NUDCD2: variants seen among roughly 807,000 people sequenced by gnomAD.
NUDCD2 encodes the protein nudC domain-containing protein 2.
In NUDCD2, 16 loss-of-function variants were observed where a neutral mutation model predicts 20.8. The observed-to-expected ratio is 0.77, with a 90% CI of 0.52 to 1.17. NUDCD2 has a LOEUF of 1.17. NUDCD2 is among the 50% of genes most tolerant of loss of function. The pLI, the probability that NUDCD2 is intolerant of heterozygous loss-of-function variation, is 0.00. For missense variants in NUDCD2, 199 were observed against 193.9 expected (o/e 1.03, Z -0.16); for synonymous variants, 87 against 72.8 (o/e 1.20, Z -1.00).
chr5:163,459,925 A>C lies in NUDCD2; in HGVS notation c.126T>G (p.Asp42Glu). Residue 42 changes from aspartate (D) to glutamate (E), a missense_variant, in exon 1 of 4, where the codon GAT becomes GAG. Physicochemically the swap from Asp to Glu is conservative, Grantham distance 45. Coordinates refer to ENST00000302764, the MANE Select transcript of NUDCD2 (RefSeq NM_145266.6). ...VQVPPGTRAQDIQCGLQSRHV... is the reference protein window; with the variant it reads ...VQVPPGTRAQEIQCGLQSRHV... ...GCCGGCTCTGGAGGCCGCACTGGAT[A>C]TCCTGGGCGCGCGTGCCTGGCGGCA... 1 of 1,612,898 alleles carries C rather than the reference A, an allele frequency of 6.2e-7. No individual in the cohort carries two copies. The highest frequency in any genetic ancestry group is 8.5e-7 in the Non-Finnish European group (1 of 1,179,690).
intron 1 of NUDCD2, among the ~76,000 whole-genome samples, chr5:163,458,402 T>A (rs1354424835): frequency 6.6e-6 from 1 of 152,122 alleles, no homozygotes; most frequent in African/African-American, 2.4e-5. Context: ...GTTCACAAAC[T>A]CATGTTTTTT....
chr5:163,447,116 A>G lies in NUDCD2; in HGVS notation c.*6851T>C. The G allele has an allele frequency of 6.6e-6, 1 of 152,220 alleles. No homozygotes were observed. The highest frequency in any genetic ancestry group is 6.5e-5 in the Admixed American group (1 of 15,280). The allele number at this position is 152,220 out of a possible 1,614,324, so 9.4% of individuals were successfully genotyped here. A position where few individuals can be genotyped will look rare whatever the true frequency, so the allele number is the denominator to read the frequency against. On this transcript the variant is annotated 3_prime_UTR_variant, in exon 4 of 4. Transcript: ENST00000302764. ...ATATAATGATAAAATTCACCAAGAC[A>G]GTGCTAAAAGTGTAAGCACTTATTA...
chr5:163,452,408 T>TG lies in NUDCD2; in HGVS notation c.*1558dup, dbSNP rs776806109. On this transcript the variant is annotated 3_prime_UTR_variant, in exon 4 of 4. Transcript: ENST00000302764. ...GAGTAACAAATTCATTGAATAATGA[T>TG]GGGAATGTGTCAGAAGGACACAGAG... The TG allele has an allele frequency of 1.4e-4, 21 of 152,112 alleles. No individual in the cohort carries two copies. Among genetic ancestry groups the TG allele is most frequent in the Non-Finnish European group, 2.8e-4 (19 of 68,024 alleles). 9.4% of individuals were successfully genotyped at this position (152,112 alleles called of 1,614,324 possible).
At chr5:163,459,726 A>C in intron 1 of NUDCD2, 136 bp downstream of exon 1, 1 of 705,832 alleles carries the variant, frequency 1.4e-6, no homozygotes, top group Non-Finnish European at 2.3e-6. Flanking sequence ...GACCAGACCC[A>C]AACCTGGTCA....
At chr5:163,456,844 T>C in intron 3 of NUDCD2, 85 bp downstream of exon 3, 1 of 989,638 alleles carries the variant, frequency 1.0e-6, no homozygotes, top group South Asian at 3.1e-5. Flanking sequence ...CTTTTCATAA[T>C]GACATTTGAG....
In NUDCD2 at chr5:163,450,264, AAAAG is replaced by A. The variant is rs1209009010; in HGVS notation, c.*3699_*3702del. Reference sequence around the variant, plus strand: ...TGACAGAGTGAGAATGTGAGTCAAAAAAAGAAAAAAGAAAAATTCCTCATGACCT... The same window carrying A: ...TGACAGAGTGAGAATGTGAGTCAAAAAAAAAAGAAAAATTCCTCATGACCT... On this transcript the variant is annotated 3_prime_UTR_variant, in exon 4 of 4. Transcript: ENST00000302764. 6.6e-6 allele frequency: 1 copy of A among 152,184 alleles called. No individual in the cohort carries two copies. Among genetic ancestry groups the A allele is most frequent in the Non-Finnish European group, 1.5e-5 (1 of 68,062 alleles). The allele number at this position is 152,184 out of a possible 1,614,324, so 9.4% of individuals were successfully genotyped here.
chr5:163,456,963 T>G lies in NUDCD2; in HGVS notation c.356A>C (p.Gln119Pro). 4 of 1,612,040 alleles carry G rather than the reference T, an allele frequency of 2.5e-6. No individual in the cohort carries two copies. The highest frequency in any genetic ancestry group is 3.4e-6 in the Non-Finnish European group (4 of 1,179,230). Reference sequence around the variant, plus strand: ...GAATCTCTCTAATGTAAGCTTTCTCTGCATTTGGTCTTGCACCCAAGGATC... The same window carrying G: ...GAATCTCTCTAATGTAAGCTTTCTCGGCATTTGGTCTTGCACCCAAGGATC... ...AADPWVQDQM[Q>P]RKLTLERFQK... Residue 119 changes from glutamine (Q) to proline (P), a missense_variant, in exon 3 of 4, where the codon CAG (glutamine) becomes CCG (proline). Transcript: ENST00000302764.
chr5:163,459,258 A>G (rs1758407832), intron 1 of NUDCD2: 1 of 152,230 alleles, frequency 6.6e-6, no homozygotes. Context: ...ACAAAGAAAA[A>G]GCGGGTCCAG....
In NUDCD2 at chr5:163,453,735, C is replaced by A. The variant is rs972301935; in HGVS notation, c.*232G>T. The stretch of plus-strand genomic sequence containing the variant: ...TAGTAAAATGCAGCATATAAAACTT[C>A]ATGCTGAGCAAAAACAAGTCCAAAA... On this transcript the variant is annotated 3_prime_UTR_variant, in exon 4 of 4. Transcript: ENST00000302764. The A allele has an allele frequency of 1.2e-5, 4 of 322,034 alleles. No homozygotes were observed. The highest frequency in any genetic ancestry group is 2.3e-5 in the Non-Finnish European group (4 of 177,126). 19.9% of individuals were successfully genotyped at this position (322,034 alleles called of 1,614,324 possible).
At chr5:163,459,126 A>G (rs1758403464) in intron 1 of NUDCD2, 1 of 152,184 alleles carries the variant, frequency 6.6e-6, no homozygotes, top group Non-Finnish European at 1.5e-5. Flanking sequence ...TCTCTCGCCC[A>G]AGTTTACAAA....
rs1758123709 is a variant in NUDCD2 at position 163,449,587 on chromosome 5, CAA to C, written c.*4378_*4379del. Reference sequence around the variant, plus strand: ...CTAATTCTAAAATTCATATGGAAGGCAAAGAAACTAAATTAGCCAAAACAATT... The same window carrying C: ...CTAATTCTAAAATTCATATGGAAGGCAGAAACTAAATTAGCCAAAACAATT... On this transcript the variant is annotated 3_prime_UTR_variant, in exon 4 of 4. Transcript: ENST00000302764. The C allele has an allele frequency of 6.6e-6, 1 of 151,956 alleles. No homozygotes were observed. The allele number at this position is 151,956 out of a possible 1,614,324, so 9.4% of individuals were successfully genotyped here.
At chr5:163,458,233 G>C (rs908606740) in intron 1 of NUDCD2, among the ~76,000 whole-genome samples, 3 of 151,868 alleles carry the variant, frequency 2.0e-5, no homozygotes, top group Non-Finnish European at 4.4e-5. Context: ...CGCCCGCCTA[G>C]GCCTTCCAAA....
Position 163,447,562 on chromosome 5 carries a change from A to G in NUDCD2, c.*6405T>C, listed in dbSNP as rs1192064483. 2.0e-5 allele frequency: 3 copies of G among 152,238 alleles called. No homozygotes were observed. The highest frequency in any genetic ancestry group is 7.2e-5 in the African/African-American group (3 of 41,462). 9.4% of individuals were successfully genotyped at this position (152,238 alleles called of 1,614,324 possible). A position where few individuals can be genotyped will look rare whatever the true frequency, so the allele number is the denominator to read the frequency against. ...TCTCTCAGTAGTCCATAGAATTAAT[A>G]GAAAATTAGCAAAGATGTAGGAAAA... On this transcript the variant is annotated 3_prime_UTR_variant, in exon 4 of 4. Coordinates refer to ENST00000302764, the MANE Select transcript of NUDCD2 (RefSeq NM_145266.6).
chr5:163,457,979 CTTTTTTTTTT>C (rs540496894), intron 1 of NUDCD2, among the ~76,000 whole-genome samples: 14 of 73,712 alleles, frequency 1.9e-4, no homozygotes, highest in African/African-American at 8.3e-4. Flanking sequence ...AAAATGTTGT[CTTTTTTTTTT>C]TTTTTTTTTT....
rs1161832913 is a variant in NUDCD2 at position 163,447,687 on chromosome 5, C to T, written c.*6280G>A. On this transcript the variant is annotated 3_prime_UTR_variant, in exon 4 of 4. Coordinates refer to ENST00000302764, the MANE Select transcript of NUDCD2 (RefSeq NM_145266.6). Reference sequence around the variant, plus strand: ...TTTTCAAGTACACATGGAACACTCACCAAGATAAACCACATCATGGGTCTT... The same window carrying T: ...TTTTCAAGTACACATGGAACACTCATCAAGATAAACCACATCATGGGTCTT... 1 of 152,062 alleles carries T rather than the reference C, an allele frequency of 6.6e-6. No individual in the cohort carries two copies. The highest frequency in any genetic ancestry group is 1.5e-5 in the Non-Finnish European group (1 of 68,006). 9.4% of individuals were successfully genotyped at this position (152,062 alleles called of 1,614,324 possible). A position where few individuals can be genotyped will look rare whatever the true frequency, so the allele number is the denominator to read the frequency against.
chr5:163,449,493 T>C lies in NUDCD2; in HGVS notation c.*4474A>G, dbSNP rs1020248232. 1 of 152,340 alleles carries C rather than the reference T, an allele frequency of 6.6e-6. No homozygotes were observed. Among genetic ancestry groups the C allele is most frequent in the African/African-American group, 2.4e-5 (1 of 41,578 alleles). 9.4% of individuals were successfully genotyped at this position (152,340 alleles called of 1,614,324 possible). ...AAAGAGGTCCTAAATAGATACCTCA[T>C]GTTCATGGATTGGAAGACACAAAAT... On this transcript the variant is annotated 3_prime_UTR_variant, in exon 4 of 4. Transcript: ENST00000302764.
Position 163,459,889 on chromosome 5 carries a change from C to T in NUDCD2, c.162G>A (p.Leu54=). ...TGAGGATCTCGCGGCCGCCCACCGA[C>T]AGCGCCACATGCCGGCTCTGGAGGC... is the stretch of plus-strand genomic sequence containing the variant. The part of the protein sequence containing the change: ...QCGLQSRHVA[L]SVGGREILKG... The change falls in exon 1 of 4, where the codon CTG becomes CTA. Residue 54 remains leucine (L), a synonymous_variant. Transcript: ENST00000302764. The T allele has an allele frequency of 6.2e-7, 1 of 1,607,620 alleles. No individual in the cohort carries two copies. Among genetic ancestry groups the T allele is most frequent in the South Asian group, 1.1e-5 (1 of 90,548 alleles).
In NUDCD2 at chr5:163,449,951, T is replaced by G. The variant is rs759623386; in HGVS notation, c.*4016A>C. 2.0e-5 allele frequency: 3 copies of G among 152,110 alleles called. No homozygotes were observed. Among genetic ancestry groups the G allele is most frequent in the Non-Finnish European group, 2.9e-5 (2 of 68,020 alleles). The allele number at this position is 152,110 out of a possible 1,614,324, so 9.4% of individuals were successfully genotyped here. On this transcript the variant is annotated 3_prime_UTR_variant, in exon 4 of 4. Coordinates refer to ENST00000302764, the MANE Select transcript of NUDCD2 (RefSeq NM_145266.6). ...AAATGTAGAACTAAATTTATAAAATTTTTAGAAGAAAAAAATCCATAGGCC... is the reference window on the plus strand; with the variant it reads ...AAATGTAGAACTAAATTTATAAAATGTTTAGAAGAAAAAAATCCATAGGCC...
Position 163,450,023 on chromosome 5 carries a change from G to A in NUDCD2, c.*3944C>T, listed in dbSNP as rs925285642. ...TAATCCCAGCACTTCAGAGGCTGAG[G>A]CGGGCAGATCCGTTGAGGTCAGTTC... On this transcript the variant is annotated 3_prime_UTR_variant, in exon 4 of 4. Coordinates refer to ENST00000302764, the MANE Select transcript of NUDCD2 (RefSeq NM_145266.6). 1.3e-5 allele frequency: 2 copies of A among 152,108 alleles called. No individual in the cohort carries two copies. The highest frequency in any genetic ancestry group is 1.3e-4 in the Admixed American group (2 of 15,266). 9.4% of individuals were successfully genotyped at this position (152,108 alleles called of 1,614,324 possible).
Sources: gnomAD v4.1 joint callset for allele counts (sites outside exome capture counted in the v4.1 genomes callset) on GRCh38, gnomAD v4.1.1 for gene constraint, MANE v1.5 for transcripts, NCBI Gene and HGNC (gene_info 2026-07-23, HGNC 2026-07-21) for gene names.